The following SCHIP1 variants were observed in gnomAD, a reference collection of about 807,000 sequenced individuals.
SCHIP1 encodes the protein schwannomin interacting protein 1.
In SCHIP1, 8 loss-of-function variants were observed where a neutral mutation model predicts 29.7. The ratio of observed to expected loss-of-function variants is 0.27; its 90% CI spans 0.16 to 0.49. The LOEUF (loss-of-function observed/expected upper bound fraction) is 0.49. Ranked by LOEUF, SCHIP1 falls within the 20% of genes least tolerant of loss-of-function variation. The probability of loss-of-function intolerance (pLI) is 0.99; values close to 1 mark genes in which losing one functional copy is unlikely to be tolerated. For missense variants in SCHIP1, 193 were observed against 294.6 expected, an observed-to-expected ratio of 0.66 and a Z score of 2.52; for synonymous variants, 76 against 94.9, an observed-to-expected ratio of 0.80 and a Z score of 1.16.
At chr3:159,721,781 C>A in the SCHIP1 span, 1 of 440,998 alleles carries the variant, frequency 2.3e-6, no homozygotes, top group South Asian at 2.0e-5. Flanking sequence ...TTCTGCTGTT[C>A]TTCCCCAGCT....
At chr3:159,335,499 C>A in the SCHIP1 span, among the ~76,000 whole-genome samples, 139 of 152,264 alleles carry the variant, frequency 9.1e-4, no homozygotes, top group Non-Finnish European at 1.7e-3. Flanking sequence ...CCACTCCCCC[C>A]CAGTCCACAA....
the SCHIP1 span, among the ~76,000 whole-genome samples, chr3:159,751,652 C>T: frequency 2.6e-5 from 4 of 151,830 alleles, no homozygotes; most frequent in South Asian, 6.2e-4. Context: ...TCATGCCATT[C>T]TCCTGCCTCA....
At chr3:159,840,585 A>G (rs1665114075) in intron 1 of SCHIP1, among the ~76,000 whole-genome samples, 1 of 152,242 alleles carries the variant, frequency 6.6e-6, no homozygotes, top group African/African-American at 2.4e-5. Flanking sequence ...CTCGTTGCAT[A>G]GGATGTGAGT....
At chr3:159,547,902 T>C in the SCHIP1 span, among the ~76,000 whole-genome samples, 2 of 152,176 alleles carry the variant, frequency 1.3e-5, no homozygotes, top group Non-Finnish European at 2.9e-5. Context: ...GATGTAGAAT[T>C]TAACAAATGC....
the SCHIP1 span, among the ~76,000 whole-genome samples, chr3:159,559,704 A>C: frequency 3.3e-5 from 5 of 152,138 alleles, no homozygotes; most frequent in Non-Finnish European, 7.3e-5. Flanking sequence ...TAGCATTATC[A>C]TATTCCCAGA....
At chr3:159,396,578 A>G in the SCHIP1 span, among the ~76,000 whole-genome samples, 119,199 of 148,996 alleles carry the variant, frequency 0.8, 47,920 homozygotes, top group Middle Eastern at 0.83. Context: ...CTTCACTTAT[A>G]AAGCTTAGTT....
the SCHIP1 span, among the ~76,000 whole-genome samples, chr3:159,510,533 G>A: frequency 6.6e-6 from 1 of 152,218 alleles, no homozygotes; most frequent in South Asian, 2.1e-4. Context: ...CTTTGGAGGA[G>A]GAGAGGCGCT....
chr3:159,856,031 G>A (rs1448334612), intron 1 of SCHIP1, among the ~76,000 whole-genome samples: 3 of 152,168 alleles, frequency 2.0e-5, no homozygotes, highest in Non-Finnish European at 4.4e-5. Flanking sequence ...ATATCTTAGT[G>A]TTTAAGAAGA....
chr3:159,699,983 C>T, the SCHIP1 span, among the ~76,000 whole-genome samples: 1 of 152,088 alleles, frequency 6.6e-6, no homozygotes, highest in African/African-American at 2.4e-5. Flanking sequence ...ACAATGGGTG[C>T]AATTGGTGCT....
At chr3:159,871,217 T>C (rs766171287) in intron 2 of SCHIP1, among the ~76,000 whole-genome samples, 1 of 152,012 alleles carries the variant, frequency 6.6e-6, no homozygotes, top group African/African-American at 2.4e-5. Flanking sequence ...AAAAGCTGTT[T>C]ATAAACTGTG....
At chr3:159,632,335 C>T in the SCHIP1 span, among the ~76,000 whole-genome samples, 7 of 152,120 alleles carry the variant, frequency 4.6e-5, no homozygotes, top group Admixed American at 2.6e-4. Context: ...ATGCAGCTGC[C>T]CAGCTGGCCT....
chr3:159,876,995 T>C (rs534693725), intron 2 of SCHIP1, among the ~76,000 whole-genome samples: 3 of 152,246 alleles, frequency 2.0e-5, no homozygotes, highest in Non-Finnish European at 4.4e-5. Flanking sequence ...GTTTGTGGGC[T>C]GATAGAGTTA....
chr3:159,727,606 T>C, the SCHIP1 span, among the ~76,000 whole-genome samples: 1 of 152,192 alleles, frequency 6.6e-6, no homozygotes, highest in African/African-American at 2.4e-5. Context: ...CCTTGGAGGA[T>C]TGAGGGATGT....
chr3:159,791,079 A>G, the SCHIP1 span, among the ~76,000 whole-genome samples: 1 of 152,170 alleles, frequency 6.6e-6, no homozygotes, highest in Non-Finnish European at 1.5e-5. Flanking sequence ...ACACAATTGA[A>G]TAGATAACCT....
chr3:159,412,587 T>A, the SCHIP1 span, among the ~76,000 whole-genome samples: 17 of 152,300 alleles, frequency 1.1e-4, no homozygotes, highest in Non-Finnish European at 2.1e-4. Flanking sequence ...TCTAGTGCAC[T>A]AGAAGAAAAT....
the SCHIP1 span, among the ~76,000 whole-genome samples, chr3:159,542,163 CCT>C: frequency 1.3e-5 from 2 of 152,000 alleles, no homozygotes; most frequent in Admixed American, 6.6e-5. Flanking sequence ...ATGCAGAAAT[CCT>C]CTGTTAGATC....
chr3:159,651,066 A>G, the SCHIP1 span, among the ~76,000 whole-genome samples: 5 of 152,202 alleles, frequency 3.3e-5, no homozygotes, highest in East Asian at 9.6e-4. Context: ...TGAATAGTAT[A>G]CTATATGTAA....
the SCHIP1 span, among the ~76,000 whole-genome samples, chr3:159,441,122 C>A: frequency 6.6e-6 from 1 of 152,060 alleles, no homozygotes; most frequent in Non-Finnish European, 1.5e-5. Context: ...AAAGAGAGGC[C>A]TTGAAACAAC....
chr3:159,847,659 G>A (rs1712015889), intron 1 of SCHIP1, among the ~76,000 whole-genome samples: 1 of 152,082 alleles, frequency 6.6e-6, no homozygotes, highest in Admixed American at 6.5e-5. Context: ...GGTTTTAGTT[G>A]GACAGGAAGA....
Sources: allele counts gnomAD v4.1 joint callset (sites outside exome capture counted in the v4.1 genomes callset), GRCh38; gene constraint gnomAD v4.1.1; transcripts MANE v1.5; gene names NCBI Gene and HGNC (gene_info 2026-07-23, HGNC 2026-07-21).